Variants in TENM3 observed in about 807,000 individuals in gnomAD.
The protein encoded by TENM3 is teneurin transmembrane protein 3.
TENM3 carries 63 observed loss-of-function variants against 255.1 expected under a neutral mutation model. The ratio of observed to expected loss-of-function variants is 0.25; its 90% CI spans 0.20 to 0.30. The LOEUF (loss-of-function observed/expected upper bound fraction) is 0.30. Among genes scored for constraint, TENM3 ranks in the 10% least tolerant of loss-of-function variants. TENM3 has a pLI of 1.00. For missense variants in TENM3, 2,929 were observed against 3,461.1 expected, an observed-to-expected ratio of 0.85 and a Z score of 3.86; for synonymous variants, 1,306 against 1,322.3, an observed-to-expected ratio of 0.99 and a Z score of 0.27.
Position 182,793,290 on chromosome 4 carries a change from A to T in TENM3, c.6618A>T (p.Glu2206Asp). 1 of 1,613,902 alleles carries T rather than the reference A, an allele frequency of 6.2e-7. No homozygotes were observed. Among genetic ancestry groups the T allele is most frequent in the Non-Finnish European group, 8.5e-7 (1 of 1,179,838 alleles). The change falls in exon 26 of 28, where the codon GAA becomes GAT. Residue 2206 changes from glutamate to aspartate, a missense_variant. Glu to Asp is a conservative substitution (Grantham distance 45). This residue lies in a region of TENM3 where 256 missense variants were observed against 389.3 expected (regional missense o/e 0.66). Coordinates refer to ENST00000511685, the MANE Select transcript of TENM3 (RefSeq NM_001080477.4). The surrounding 1 kb of genome is among the most constrained non-coding windows in gnomAD (Gnocchi z 5.7). ...GTCAAAGGGGCACGGAAATCTTTGAATATAGCTCCAAGGGGCTTCTAACTC... is the reference window on the plus strand; with the variant it reads ...GTCAAAGGGGCACGGAAATCTTTGATTATAGCTCCAAGGGGCTTCTAACTC... ...FLRQRGTEIF[E>D]YSSKGLLTRV...
the TENM3 span, among the ~76,000 whole-genome samples, chr4:181,860,095 A>T: frequency 1.3e-5 from 2 of 152,166 alleles, no homozygotes; most frequent in Non-Finnish European, 2.9e-5. Context: ...TGCCCATATC[A>T]TCTTATTCTG....
intron 3 of TENM3, among the ~76,000 whole-genome samples, chr4:182,566,287 A>G (rs1384461846): frequency 1.3e-5 from 2 of 152,216 alleles, no homozygotes; most frequent in East Asian, 3.8e-4. Context: ...TTGTGACGCG[A>G]TTTGGTACCA....
intron 3 of TENM3, among the ~76,000 whole-genome samples, chr4:182,384,156 A>G (rs1216977855): frequency 6.6e-6 from 1 of 152,034 alleles, no homozygotes; most frequent in African/African-American, 2.4e-5. Context: ...GATCTTTCAC[A>G]CTCACCCTGT....
chr4:181,816,866 G>A, the TENM3 span, among the ~76,000 whole-genome samples: 4 of 152,154 alleles, frequency 2.6e-5, no homozygotes, highest in Non-Finnish European at 5.9e-5. Flanking sequence ...ATAACTTGCC[G>A]AATACTTTTT....
At chr4:181,878,413 G>A in the TENM3 span, among the ~76,000 whole-genome samples, 1 of 152,006 alleles carries the variant, frequency 6.6e-6, no homozygotes, top group Non-Finnish European at 1.5e-5. Context: ...CTGGTCTATG[G>A]TCTAATCAAA....
the TENM3 span, among the ~76,000 whole-genome samples, chr4:181,501,392 T>G: frequency 1.3e-5 from 2 of 151,846 alleles, no homozygotes; most frequent in African/African-American, 4.8e-5. Flanking sequence ...TTGTTTTTTT[T>G]TTTTAAGATG....
chr4:182,546,153 A>G (rs747488709), intron 3 of TENM3, among the ~76,000 whole-genome samples: 13 of 152,346 alleles, frequency 8.5e-5, no homozygotes, highest in South Asian at 2.1e-4. Flanking sequence ...GAGCAGGCTA[A>G]CAAGGAGAGG....
chr4:181,982,975 A>G, the TENM3 span, among the ~76,000 whole-genome samples: 1 of 152,136 alleles, frequency 6.6e-6, no homozygotes, highest in African/African-American at 2.4e-5. Context: ...AAACTAGCAG[A>G]TTTGTTAACA....
chr4:182,310,672 T>TG (rs532830365), intron 1 of TENM3, among the ~76,000 whole-genome samples: 16 of 63,206 alleles, frequency 2.5e-4, no homozygotes, highest in Admixed American at 1.0e-3. Flanking sequence ...GGGAAGGGTG[T>TG]TTTTTTTTTT....
the TENM3 span, among the ~76,000 whole-genome samples, chr4:182,089,526 C>A: frequency 6.6e-6 from 1 of 152,080 alleles, no homozygotes; most frequent in Non-Finnish European, 1.5e-5. Flanking sequence ...TCCCTGCTGG[C>A]CACAATAATT....
At chr4:181,764,958 G>T in the TENM3 span, among the ~76,000 whole-genome samples, 2 of 152,166 alleles carry the variant, frequency 1.3e-5, no homozygotes, top group East Asian at 1.9e-4. Flanking sequence ...GGCTCCTAAA[G>T]TGCTGGGATT....
intron 1 of TENM3, among the ~76,000 whole-genome samples, chr4:182,153,882 TACC>T (rs1273897085): frequency 1.3e-5 from 2 of 152,170 alleles, no homozygotes; most frequent in Admixed American, 6.6e-5. Flanking sequence ...GTTGTGTAAT[TACC>T]ACTTCAACTT....
At chr4:181,500,159 G>T in the TENM3 span, among the ~76,000 whole-genome samples, 1 of 152,004 alleles carries the variant, frequency 6.6e-6, no homozygotes, top group East Asian at 1.9e-4. Flanking sequence ...CTCCTGAGTA[G>T]CTGGGATTAC....
the TENM3 span, among the ~76,000 whole-genome samples, chr4:182,046,074 C>T: frequency 5.3e-5 from 8 of 152,154 alleles, no homozygotes; most frequent in South Asian, 1.7e-3. Flanking sequence ...TTTATTAACT[C>T]AGGAATCAGA....
chr4:182,517,153 C>T (rs1464318521), intron 3 of TENM3, among the ~76,000 whole-genome samples: 1 of 151,968 alleles, frequency 6.6e-6, no homozygotes, highest in Non-Finnish European at 1.5e-5. Flanking sequence ...ATCACTTTTA[C>T]TATGGAGCCA....
intron 3 of TENM3, among the ~76,000 whole-genome samples, chr4:182,543,926 A>G (rs1310868524): frequency 2.0e-5 from 3 of 152,158 alleles, no homozygotes; most frequent in African/African-American, 7.2e-5. Context: ...TTTTGGATTA[A>G]ATAGACGAAG....
At chr4:181,525,910 C>T in the TENM3 span, among the ~76,000 whole-genome samples, 1 of 151,092 alleles carries the variant, frequency 6.6e-6, no homozygotes, top group African/African-American at 2.4e-5. Flanking sequence ...AAGGAAATGT[C>T]AGCCCTTGCC....
chr4:181,497,397 C>T, the TENM3 span, among the ~76,000 whole-genome samples: 38,344 of 151,826 alleles, frequency 0.25, 5,008 homozygotes, highest in Middle Eastern at 0.33. Flanking sequence ...CATTCCTAGT[C>T]CAGCCTTTTA....
chr4:182,426,735 C>T (rs1197345252), intron 3 of TENM3, among the ~76,000 whole-genome samples: 1 of 151,954 alleles, frequency 6.6e-6, no homozygotes, highest in Non-Finnish European at 1.5e-5. Flanking sequence ...TTCCATTATC[C>T]AGCCTGATAA....
Sources: allele counts gnomAD v4.1 joint callset (sites outside exome capture counted in the v4.1 genomes callset), GRCh38; gene constraint gnomAD v4.1.1; regional missense constraint gnomAD v4.1.1; non-coding constraint Gnocchi (gnomAD v3.1); transcripts MANE v1.5; gene names NCBI Gene and HGNC (gene_info 2026-07-23, HGNC 2026-07-21).